NTM: variants seen among roughly 807,000 people sequenced by gnomAD.
The protein encoded by NTM is neurotrimin.
In NTM, 13 loss-of-function variants were observed where a neutral mutation model predicts 42.1. The ratio of observed to expected loss-of-function variants is 0.31; its 90% CI spans 0.20 to 0.49. The LOEUF (loss-of-function observed/expected upper bound fraction) is 0.49. Among genes scored for constraint, NTM ranks in the 20% least tolerant of loss-of-function variants. The probability of loss-of-function intolerance (pLI) is 0.99; values close to 1 mark genes in which losing one functional copy is unlikely to be tolerated. For missense variants in NTM, 373 were observed against 452.8 expected (o/e 0.82, Z 1.60); for synonymous variants, 187 against 179.2 (o/e 1.04, Z -0.35).
At chr11:131,998,381 G>A (rs1484681787) in intron 2 of NTM, among the ~76,000 whole-genome samples, 3 of 152,128 alleles carry the variant, frequency 2.0e-5, no homozygotes, top group Non-Finnish European at 4.4e-5. Flanking sequence ...CAGGGGGAAG[G>A]CTTCTAGCTC....
At chr11:131,534,064 T>A (rs1487099025) in intron 1 of NTM, 2 of 152,404 alleles carry the variant, frequency 1.3e-5, no homozygotes, top group African/African-American at 4.8e-5. Context: ...GGGGGGCGGT[T>A]AGCTGCATTC....
At chr11:131,385,739 C>T (rs987172773) in intron 1 of NTM, among the ~76,000 whole-genome samples, 2 of 152,152 alleles carry the variant, frequency 1.3e-5, no homozygotes, top group Non-Finnish European at 2.9e-5. Flanking sequence ...CACCTGTAGT[C>T]CCATCTACTC....
intron 2 of NTM, among the ~76,000 whole-genome samples, chr11:131,976,116 A>ATTCATTCC (rs2064309217): frequency 3.2e-5 from 4 of 123,770 alleles, no homozygotes; most frequent in South Asian, 3.3e-4. Context: ...TCCCTCCCTC[A>ATTCATTCC]TTCCTTCCTT....
chr11:131,910,942 G>A (rs1032847680), intron 1 of NTM: 1 of 987,620 alleles, frequency 1.0e-6, no homozygotes. Flanking sequence ...CGCCTCCCGC[G>A]AGCTCCACTT....
intron 4 of NTM, among the ~76,000 whole-genome samples, chr11:132,289,625 G>T (rs993668415): frequency 2.6e-5 from 4 of 152,200 alleles, no homozygotes; most frequent in Non-Finnish European, 5.9e-5. Flanking sequence ...CCAGGGAAAA[G>T]TGGTGAGAAG....
Position 131,728,326 on chromosome 11 carries a change from T to C in NTM, c.83-183238T>C, listed in dbSNP as rs187630201. Reference sequence around the variant, plus strand: ...AATCAGGAATTCCATGACCTTGTCCTTGGGTTTGATTGTTTTGCTACTATG... The same window carrying C: ...AATCAGGAATTCCATGACCTTGTCCCTGGGTTTGATTGTTTTGCTACTATG... On this transcript the variant is annotated intron_variant, in intron 1 of 8. Transcript: ENST00000683400. 5.8e-4 allele frequency among the ~76,000 whole-genome samples: 88 copies of C among 152,350 alleles called. 3 individuals are homozygous for C. The highest frequency in any genetic ancestry group is 2.2e-4 in the Non-Finnish European group (15 of 68,024).
chr11:132,036,244 A>G lies in NTM; in HGVS notation c.168-110038A>G, dbSNP rs962503084. Among the ~76,000 whole-genome samples, 8 of 152,218 alleles carry G rather than the reference A, an allele frequency of 5.3e-5. No homozygotes were observed. The South Asian group carries it at 6.2e-4, about 12-fold the overall frequency. ...GCTGTGATGCTATTTGTTCTCCTCA[A>G]TTGGCCTGGTGATAATAACAGCATG... On this transcript the variant is annotated intron_variant, in intron 2 of 8. Transcript: ENST00000683400.
At chr11:132,238,922 A>G (rs2089636577) in intron 4 of NTM, among the ~76,000 whole-genome samples, 1 of 152,222 alleles carries the variant, frequency 6.6e-6, no homozygotes, top group Non-Finnish European at 1.5e-5. Context: ...AAATGTCTGC[A>G]CTGCCTTGTT....
intron 2 of NTM, among the ~76,000 whole-genome samples, chr11:132,022,535 C>T (rs993450940): frequency 6.6e-6 from 1 of 152,186 alleles, no homozygotes; most frequent in African/African-American, 2.4e-5. Context: ...TTGCGAGTTC[C>T]CTTGTGCTCA....
At chr11:131,544,964 A>C (rs1219835368) in intron 1 of NTM, among the ~76,000 whole-genome samples, 1 of 152,116 alleles carries the variant, frequency 6.6e-6, no homozygotes, top group East Asian at 1.9e-4. Context: ...ACCCCTCTCA[A>C]TCTGTCATTA....
chr11:132,259,496 A>T (rs1369368664), intron 4 of NTM, among the ~76,000 whole-genome samples: 1 of 151,912 alleles, frequency 6.6e-6, no homozygotes, highest in Non-Finnish European at 1.5e-5. Flanking sequence ...CCCGACCAAC[A>T]TGGTGAAACA....
intron 4 of NTM, among the ~76,000 whole-genome samples, chr11:132,245,310 C>A (rs1159501241): frequency 6.6e-6 from 1 of 151,874 alleles, no homozygotes; most frequent in Non-Finnish European, 1.5e-5. Flanking sequence ...CACCTCAGGG[C>A]CAATAAAAAG....
intron 2 of NTM, among the ~76,000 whole-genome samples, chr11:131,974,484 C>G (rs1593308443): frequency 6.6e-6 from 1 of 152,108 alleles, no homozygotes; most frequent in African/African-American, 2.4e-5. Flanking sequence ...GAACTTATAC[C>G]TCTTTGCTCT....
intron 4 of NTM, among the ~76,000 whole-genome samples, chr11:132,303,368 C>T (rs760313356): frequency 4.6e-5 from 7 of 152,316 alleles, no homozygotes; most frequent in Middle Eastern, 3.4e-3. Context: ...CAATTCCTGG[C>T]GTTCCTTGGC....
At chr11:132,315,151 A>G in intron 7 of NTM, 1 of 859,322 alleles carries the variant, frequency 1.2e-6, no homozygotes, top group Non-Finnish European at 1.4e-6. Context: ...ATAGTCAAGA[A>G]CTCAGAGGGG....
intron 1 of NTM, among the ~76,000 whole-genome samples, chr11:131,410,969 G>C (rs77768369): frequency 0.026 from 3,938 of 152,202 alleles, 166 homozygotes; most frequent in African/African-American, 0.089. Flanking sequence ...GTTGGTTAAG[G>C]CTTTTGAGCC....
intron 1 of NTM, among the ~76,000 whole-genome samples, chr11:131,496,618 C>G (rs1422059976): frequency 1.3e-5 from 2 of 152,200 alleles, no homozygotes; most frequent in African/African-American, 4.8e-5. Flanking sequence ...AGAGCAAAGC[C>G]CCCTTCACTG....
At chr11:132,278,155 T>C (rs1026364894) in intron 4 of NTM, among the ~76,000 whole-genome samples, 36 of 152,204 alleles carry the variant, frequency 2.4e-4, no homozygotes, top group African/African-American at 8.4e-4. Flanking sequence ...CCAATACTTA[T>C]TGAGGATTTC....
chr11:132,322,096 G>C (rs562014197), intron 7 of NTM, among the ~76,000 whole-genome samples: 2 of 151,950 alleles, frequency 1.3e-5, no homozygotes, highest in African/African-American at 4.8e-5. Flanking sequence ...AAAGACCATC[G>C]AGACTAGGAA....
Sources: allele counts gnomAD v4.1 joint callset (sites outside exome capture counted in the v4.1 genomes callset), GRCh38; gene constraint gnomAD v4.1.1; transcripts MANE v1.5; gene names NCBI Gene and HGNC (gene_info 2026-07-23, HGNC 2026-07-21).